The following ILDR1 variants were observed in gnomAD, a reference collection of about 807,000 sequenced individuals.
ILDR1 encodes immunoglobulin-like domain-containing receptor 1.
In ILDR1, 56 loss-of-function variants were observed where a neutral mutation model predicts 62.4. The ratio of observed to expected loss-of-function variants is 0.90; its 90% CI spans 0.72 to 1.12. ILDR1 has a LOEUF of 1.12. ILDR1 is among the 50% of genes most tolerant of loss of function. The pLI, the probability that ILDR1 is intolerant of heterozygous loss-of-function variation, is 0.00. For missense variants in ILDR1, 736 were observed against 710.6 expected (o/e 1.04, Z -0.41); for synonymous variants, 284 against 277.8 (o/e 1.02, Z -0.22).
rs113763280 is a variant in ILDR1, at chr3:122,009,340, C to A, written c.59-2179G>T. Among the ~76,000 whole-genome samples the A allele has an allele frequency of 2.0e-5, 3 of 147,350 alleles. No individual in the cohort carries two copies. In the East Asian group the frequency reaches 5.8e-4, roughly 28 times the overall value. The stretch of plus-strand genomic sequence containing the variant: ...TCAATTTAAAACACACACACACACA[C>A]ACACACACACACACACACACACACA... On this transcript the variant is annotated intron_variant, in intron 1 of 7. Transcript: ENST00000344209.
At position 121,993,490 on chromosome 3, in the gene ILDR1, C is replaced by G. The variant is rs1244646273; in HGVS notation, c.1259G>C (p.Ser420Thr). ...GSPIHWSDRD[S>T]LSDVPSSSEA... Reference sequence around the variant, plus strand: ...ACTGGATGAGGGGACATCGCTTAGGCTGTCCCTGTCTGACCAGTGTATGGG... The same window carrying G: ...ACTGGATGAGGGGACATCGCTTAGGGTGTCCCTGTCTGACCAGTGTATGGG... The change falls in exon 7 of 8, where the codon AGC becomes ACC. Residue 420 changes from serine (S) to threonine (T), a missense_variant. By Grantham distance (58) the Ser-to-Thr change is moderately conservative (BLOSUM62 1). Transcript: ENST00000344209. The G allele has an allele frequency of 6.2e-7, 1 of 1,614,122 alleles. No individual in the cohort carries two copies. The highest frequency in any genetic ancestry group is 1.3e-5 in the African/African-American group (1 of 74,942).
the ILDR1 span, among the ~76,000 whole-genome samples, chr3:122,058,079 G>A: frequency 6.6e-6 from 1 of 152,158 alleles, no homozygotes; most frequent in African/African-American, 2.4e-5. Context: ...ATTTTAATGA[G>A]ATAATCCATA....
the ILDR1 span, among the ~76,000 whole-genome samples, chr3:122,036,623 T>A: frequency 6.6e-6 from 1 of 151,010 alleles, no homozygotes; most frequent in African/African-American, 2.4e-5. Context: ...AGAGCATAAA[T>A]ATTTGGAAAA....
At chr3:121,997,473 G>A (rs2071453513) in intron 5 of ILDR1, among the ~76,000 whole-genome samples, 2 of 152,158 alleles carry the variant, frequency 1.3e-5, no homozygotes, top group South Asian at 4.1e-4. Context: ...ATAGCAGCAG[G>A]TTAAACATTC....
chr3:122,028,439 G>A, the ILDR1 span, among the ~76,000 whole-genome samples: 10 of 151,196 alleles, frequency 6.6e-5, no homozygotes, highest in African/African-American at 1.5e-4. Flanking sequence ...AAAACAGTTT[G>A]TTATTCTCAT....
At chr3:122,011,506 C>T (rs1314881779) in intron 1 of ILDR1, among the ~76,000 whole-genome samples, 4 of 151,964 alleles carry the variant, frequency 2.6e-5, no homozygotes. Flanking sequence ...TCTATTTCAT[C>T]CCTGTGTGAA....
In ILDR1 at chr3:122,008,578, CTTTTCTTTTCTTTTCTTTT is replaced by C. The variant is rs1313078934; in HGVS notation, c.59-1436_59-1418del. ...ACGCATTTTTTATTTCTTTTCTTTT[CTTTTCTTTTCTTTTCTTTT>C]TTTTTTTTTTTTTTGAGATAGAGTC... is the stretch of plus-strand genomic sequence containing the variant. On this transcript the variant is annotated intron_variant, in intron 1 of 7. Coordinates refer to ENST00000344209, the MANE Select transcript of ILDR1 (RefSeq NM_001199799.2). Among the ~76,000 whole-genome samples the C allele has an allele frequency of 1.6e-3, 216 of 138,980 alleles. 15 individuals carry two copies. Among genetic ancestry groups the C allele is most frequent in the Non-Finnish European group, 9.7e-4 (64 of 65,814 alleles). 91.2% of individuals were successfully genotyped at this position (138,980 alleles called of 152,430 possible).
chr3:122,026,921 T>C (rs565781967), upstream of ILDR1, among the ~76,000 whole-genome samples: 2 of 152,168 alleles, frequency 1.3e-5, no homozygotes, highest in Non-Finnish European at 2.9e-5. Flanking sequence ...AGAGAATCTA[T>C]ACATTATATA....
At position 122,002,540 on chromosome 3, in the gene ILDR1, T is replaced by A. The variant is rs190724621; in HGVS notation, c.380-676A>T. Among the ~76,000 whole-genome samples the A allele has an allele frequency of 2.0e-5, 3 of 152,334 alleles. No homozygotes were observed. The East Asian group carries it at 5.8e-4, about 29-fold the overall frequency. Reference sequence around the variant, plus strand: ...AAATGTAACTCAAGAAGAGTTTCAGTTCTAGTGGGCACTCAGGTTTTTTGT... The same window carrying A: ...AAATGTAACTCAAGAAGAGTTTCAGATCTAGTGGGCACTCAGGTTTTTTGT... On this transcript the variant is annotated intron_variant, in intron 3 of 7. Transcript: ENST00000344209.
At chr3:122,036,841 A>G in the ILDR1 span, among the ~76,000 whole-genome samples, 1 of 152,160 alleles carries the variant, frequency 6.6e-6, no homozygotes, top group African/African-American at 2.4e-5. Context: ...GGTTTCATGG[A>G]CCAGGCCCAG....
the ILDR1 span, among the ~76,000 whole-genome samples, chr3:122,038,364 C>T: frequency 1.3e-5 from 2 of 152,148 alleles, no homozygotes; most frequent in Non-Finnish European, 2.9e-5. Flanking sequence ...TGGCAAATAG[C>T]CCATACCCTA....
chr3:122,016,198 G>A (rs990064540), intron 1 of ILDR1, among the ~76,000 whole-genome samples: 7 of 152,152 alleles, frequency 4.6e-5, no homozygotes, highest in Non-Finnish European at 8.8e-5. Flanking sequence ...TGAATTCATC[G>A]TTCCTCAGTA....
chr3:122,040,578 A>G, the ILDR1 span, among the ~76,000 whole-genome samples: 5 of 152,046 alleles, frequency 3.3e-5, no homozygotes, highest in Non-Finnish European at 7.4e-5. Context: ...GTATTAGCAA[A>G]AGAATAGATT....
At position 121,995,287 on chromosome 3, in the gene ILDR1, C is replaced by T. The variant is rs77863349; in HGVS notation, c.647-974G>A. Among the ~76,000 whole-genome samples, 68 of 152,308 alleles carry T rather than the reference C, an allele frequency of 4.5e-4. No homozygotes were observed. The East Asian group carries it at 0.012, about 27-fold the overall frequency. On this transcript the variant is annotated intron_variant, in intron 5 of 7. Transcript: ENST00000344209. ...CGTTAAGTGCAGGAAGTGCCAGCCTCAGTGTGAACGAGGTTAGGCCCCAGC... is the reference window on the plus strand; with the variant it reads ...CGTTAAGTGCAGGAAGTGCCAGCCTTAGTGTGAACGAGGTTAGGCCCCAGC...
chr3:122,002,780 C>A (rs999166290), intron 3 of ILDR1, among the ~76,000 whole-genome samples: 1 of 152,194 alleles, frequency 6.6e-6, no homozygotes, highest in East Asian at 1.9e-4. Flanking sequence ...ATCCCCACAC[C>A]CTCCAACAGG....
In ILDR1 at chr3:122,001,371, G is replaced by A. The variant is rs387907017; in HGVS notation, c.583C>T (p.Gln195Ter). 4 of 1,614,180 alleles carry A rather than the reference G, an allele frequency of 2.5e-6. No individual in the cohort carries two copies. Among genetic ancestry groups the A allele is most frequent in the Admixed American group, 1.7e-5 (1 of 60,020 alleles). The change falls in exon 5 of 8, where the codon CAG becomes TAG. Residue 195 changes from glutamine (Q) to a stop codon, truncating the protein, a stop_gained. Transcript: ENST00000344209. LOFTEE classifies it high-confidence loss of function. ...CAGCGGATATAGCAGCAGCAATACT[G>A]AGGACAGCACTGGCACCAGCACACT... ...IGVCWCQCCP[Q>*]YCCCYIRCPC...
chr3:122,050,652 T>C, the ILDR1 span, among the ~76,000 whole-genome samples: 1 of 149,928 alleles, frequency 6.7e-6, no homozygotes, highest in Admixed American at 6.7e-5. Context: ...TTTTTTTAAC[T>C]TTTATACCAG....
upstream of ILDR1, chr3:122,025,191 T>A (rs1559886374): frequency 6.6e-6 from 1 of 152,146 alleles, no homozygotes; most frequent in Non-Finnish European, 1.5e-5. Flanking sequence ...TAGGCACTTT[T>A]AAAAAAATGC....
At chr3:122,000,834 G>A (rs2071512032) in intron 5 of ILDR1, among the ~76,000 whole-genome samples, 1 of 152,230 alleles carries the variant, frequency 6.6e-6, no homozygotes. Context: ...TGTGCGCTGA[G>A]TAATTCCTTT....
Sources: gnomAD v4.1 joint callset for allele counts (sites outside exome capture counted in the v4.1 genomes callset) on GRCh38, gnomAD v4.1.1 for gene constraint, MANE v1.5 for transcripts, NCBI Gene and HGNC (gene_info 2026-07-23, HGNC 2026-07-21) for gene names.